The following CEP41 variants were observed in gnomAD, a reference collection of about 807,000 sequenced individuals.
The protein encoded by CEP41 is centrosomal protein 41.
A neutral mutation model predicts 44.3 loss-of-function variants in CEP41; 32 were observed. That is an observed-to-expected ratio of 0.72 (90% CI 0.54 to 0.97). CEP41 has a LOEUF of 0.97. Among genes scored for constraint, CEP41 ranks in the 50% least tolerant of loss-of-function variants. The probability of loss-of-function intolerance (pLI) is 0.00; values close to 1 mark genes in which losing one functional copy is unlikely to be tolerated. For synonymous variants in CEP41, 151 were observed against 168.5 expected (o/e 0.90, Z 0.80); for missense variants, 432 against 455.2 (o/e 0.95, Z 0.46).
chr7:130,429,454 A>G (rs1484512951), intron 1 of CEP41, among the ~76,000 whole-genome samples: 1 of 152,258 alleles, frequency 6.6e-6, no homozygotes, highest in East Asian at 1.9e-4. Flanking sequence ...AAGCTAATGA[A>G]CAAAGACATT....
chr7:130,394,463 G>A lies in CEP41; in HGVS notation c.*4428C>T, dbSNP rs1554413718. ...GAAATCTTCAAGATTTGAAACAAAA[G>A]AGAAAACCTACTCTTAAGATGGGGG... On this transcript the variant is annotated 3_prime_UTR_variant, in exon 11 of 11. Transcript: ENST00000223208. 2.2e-6 allele frequency: 1 copy of A among 454,098 alleles called. No homozygotes were observed. The allele number at this position is 454,098 out of a possible 1,614,324, so 28.1% of individuals were successfully genotyped here. A position where few individuals can be genotyped will look rare whatever the true frequency, so the allele number is the denominator to read the frequency against.
chr7:130,439,671 G>A (rs930771285), intron 1 of CEP41, among the ~76,000 whole-genome samples: 4 of 152,166 alleles, frequency 2.6e-5, no homozygotes, highest in Admixed American at 1.3e-4. Context: ...GCAGGGCTTA[G>A]ACTCAGCCTT....
At chr7:130,416,445 T>C (rs1384579455) in intron 3 of CEP41, among the ~76,000 whole-genome samples, 1 of 152,232 alleles carries the variant, frequency 6.6e-6, no homozygotes, top group Non-Finnish European at 1.5e-5. Flanking sequence ...GAAAACAGAC[T>C]GCAATGAATT....
At chr7:130,419,679 T>G (rs782004948) in intron 2 of CEP41, 23 of 985,334 alleles carry the variant, frequency 2.3e-5, no homozygotes, top group Non-Finnish European at 2.7e-5. Flanking sequence ...CCCCATTGCT[T>G]CCTAACTAAA....
intron 2 of CEP41, chr7:130,422,080 G>C (rs1457808907): frequency 6.6e-7 from 1 of 1,513,280 alleles, no homozygotes; most frequent in East Asian, 2.5e-5. Flanking sequence ...CTCAGTGTTT[G>C]AGTTCATATG....
intron 2 of CEP41, among the ~76,000 whole-genome samples, chr7:130,422,211 G>C (rs1386575117): frequency 6.6e-6 from 1 of 152,170 alleles, no homozygotes; most frequent in Admixed American, 6.5e-5. Flanking sequence ...CGAAATTCTT[G>C]ATTTCTTGTG....
chr7:130,396,821 T>A lies in CEP41; in HGVS notation c.*2070A>T, dbSNP rs1486745248. On this transcript the variant is annotated 3_prime_UTR_variant, in exon 11 of 11. Coordinates refer to ENST00000223208, the MANE Select transcript of CEP41 (RefSeq NM_018718.3). The stretch of plus-strand genomic sequence containing the variant: ...CAACCTGCCAGATCTCTCAGGTGAG[T>A]GCACACCAATTCTAACAGGTCTGGC... 2.2e-6 allele frequency: 1 copy of A among 452,236 alleles called. No individual in the cohort carries two copies. The highest frequency in any genetic ancestry group is 4.4e-6 in the Non-Finnish European group (1 of 225,696). 28.0% of individuals were successfully genotyped at this position (452,236 alleles called of 1,614,324 possible).
At chr7:130,428,428 C>CAAA (rs67847969) in intron 1 of CEP41, among the ~76,000 whole-genome samples, 441 of 37,876 alleles carry the variant, frequency 0.012, 26 homozygotes, top group Non-Finnish European at 0.013. Flanking sequence ...GACTCTGACT[C>CAAA]AAAAAAAAAA....
intron 1 of CEP41, chr7:130,440,519 G>A (rs182250125): frequency 5.5e-6 from 2 of 366,272 alleles, no homozygotes; most frequent in South Asian, 2.6e-5. Context: ...TTTTCCAAAG[G>A]TTTGGTCAGC....
At chr7:130,424,062 T>C (rs1797588887) in intron 2 of CEP41, among the ~76,000 whole-genome samples, 1 of 152,132 alleles carries the variant, frequency 6.6e-6, no homozygotes, top group South Asian at 2.1e-4. Flanking sequence ...AAAATTCATA[T>C]GGAAAGGCAA....
At position 130,395,763 on chromosome 7, in the gene CEP41, T is replaced by G. The variant is rs1352078770; in HGVS notation, c.*3128A>C. On this transcript the variant is annotated 3_prime_UTR_variant, in exon 11 of 11. Transcript: ENST00000223208. ...AAGTCTTAAGAATTTTTGTATAATT[T>G]AAATAGCACCACAGGAAAAATCCCT... 4.4e-6 allele frequency: 2 copies of G among 453,750 alleles called. No homozygotes were observed. Among genetic ancestry groups the G allele is most frequent in the Admixed American group, 2.4e-5 (1 of 42,530 alleles). The allele number at this position is 453,750 out of a possible 1,614,324, so 28.1% of individuals were successfully genotyped here. A position where few individuals can be genotyped will look rare whatever the true frequency, so the allele number is the denominator to read the frequency against.
intron 2 of CEP41, among the ~76,000 whole-genome samples, chr7:130,425,057 T>C (rs1797620803): frequency 6.6e-6 from 1 of 152,122 alleles, no homozygotes; most frequent in Admixed American, 6.5e-5. Context: ...GAACAGGTAT[T>C]TCACCAAAGA....
intron 1 of CEP41, among the ~76,000 whole-genome samples, chr7:130,429,334 G>T (rs1223340603): frequency 6.6e-6 from 1 of 152,094 alleles, no homozygotes; most frequent in Non-Finnish European, 1.5e-5. Context: ...AAATGCATAT[G>T]TCAGGTCTCC....
At chr7:130,413,562 G>C (rs1797247412) in intron 3 of CEP41, among the ~76,000 whole-genome samples, 1 of 146,404 alleles carries the variant, frequency 6.8e-6, no homozygotes, top group Admixed American at 6.9e-5. Flanking sequence ...GCCTGGGTGA[G>C]AGTGAAACTG....
At chr7:130,406,124 T>G (rs1238427318) in intron 5 of CEP41, among the ~76,000 whole-genome samples, 3 of 152,166 alleles carry the variant, frequency 2.0e-5, no homozygotes, top group Non-Finnish European at 4.4e-5. Flanking sequence ...AAATAAATAC[T>G]GTTTCAGTTC....
At chr7:130,440,171 C>T (rs1401513946) in intron 1 of CEP41, among the ~76,000 whole-genome samples, 1 of 152,154 alleles carries the variant, frequency 6.6e-6, no homozygotes, top group Admixed American at 6.5e-5. Context: ...AGGCGCCTCA[C>T]CACCACGCCC....
In CEP41 at chr7:130,395,280, T is replaced by C. The variant is rs1201435623; in HGVS notation, c.*3611A>G. 8.8e-6 allele frequency: 4 copies of C among 453,470 alleles called. No homozygotes were observed. The highest frequency in any genetic ancestry group is 7.1e-5 in the Admixed American group (3 of 42,552). 28.1% of individuals were successfully genotyped at this position (453,470 alleles called of 1,614,324 possible). A position where few individuals can be genotyped will look rare whatever the true frequency, so the allele number is the denominator to read the frequency against. On this transcript the variant is annotated 3_prime_UTR_variant, in exon 11 of 11. Coordinates refer to ENST00000223208, the MANE Select transcript of CEP41 (RefSeq NM_018718.3). ...GAAAAAATAATTGTTAGTGAAAAAT[T>C]AATGGACCTGCATGTAAGTACTCAA...
At position 130,411,308 on chromosome 7, in the gene CEP41, C is replaced by T. The variant is rs1328130370; in HGVS notation, c.208-117G>A. 4.9e-6 allele frequency: 4 copies of T among 822,732 alleles called. No individual in the cohort carries two copies. The Admixed American group carries it at 7.7e-5, about 16-fold the overall frequency. The allele number at this position is 822,732 out of a possible 1,614,324, so 51.0% of individuals were successfully genotyped here. ...ATCAAAGATCTGTTGTTTTAAGAAGCTGTCAGTGTCCTCAACTGAACGCTG... is the reference window on the plus strand; with the variant it reads ...ATCAAAGATCTGTTGTTTTAAGAAGTTGTCAGTGTCCTCAACTGAACGCTG... On this transcript the variant is annotated intron_variant, in intron 4 of 10. Coordinates refer to ENST00000223208, the MANE Select transcript of CEP41 (RefSeq NM_018718.3).
chr7:130,398,964 C>A lies in CEP41; in HGVS notation c.1049G>T (p.Gly350Val), dbSNP rs782359743. ...PGARSAQNLP[G>V]GGPASHSNPR... is the part of the protein sequence containing the mutation. ...GTTTGAGTGGCTGGCGGGGCCGCCACCTGGCAGATTCTGAGCGCTTCGGGC... is the reference window on the plus strand; with the variant it reads ...GTTTGAGTGGCTGGCGGGGCCGCCAACTGGCAGATTCTGAGCGCTTCGGGC... Residue 350 changes from glycine (G) to valine (V), a missense_variant, in exon 11 of 11, where the codon GGT becomes GTT. Transcript: ENST00000223208. 6.2e-7 allele frequency: 1 copy of A among 1,614,210 alleles called. No individual in the cohort carries two copies. Among genetic ancestry groups the A allele is most frequent in the Middle Eastern group, 1.7e-4 (1 of 6,060 alleles).
Sources: allele counts gnomAD v4.1 joint callset (sites outside exome capture counted in the v4.1 genomes callset), GRCh38; gene constraint gnomAD v4.1.1; transcripts MANE v1.5; gene names NCBI Gene and HGNC (gene_info 2026-07-23, HGNC 2026-07-21).